Variants in SYCE1 observed in about 807,000 individuals in gnomAD.
SYCE1 encodes synaptonemal complex central element protein 1.
SYCE1 carries 37 observed loss-of-function variants against 55.1 expected under a neutral mutation model. The observed-to-expected ratio is 0.67, with a 90% CI of 0.52 to 0.88. SYCE1 has a LOEUF of 0.88. Among genes scored for constraint, SYCE1 ranks in the 40% least tolerant of loss-of-function variants. The pLI is 0.00. For synonymous variants in SYCE1, 163 were observed against 159.4 expected (o/e 1.02, Z -0.17); for missense variants, 399 against 416.4 (o/e 0.96, Z 0.36).
chr10:133,555,215 G>A (rs1851628244), intron 12 of SYCE1, 86 bp from the exon 13 acceptor site: 19 of 1,540,172 alleles, frequency 1.2e-5, no homozygotes, highest in Non-Finnish European at 1.5e-5. Context: ...CACCTTGGGT[G>A]GACCCAGTAT....
At chr10:133,567,896 C>T (rs777997685), upstream of SYCE1, 36 of 501,316 alleles carry the variant, frequency 7.2e-5, no homozygotes, top group African/African-American at 1.4e-4. Flanking sequence ...GAGGCTGAGG[C>T]GGCGTGGGCA....
intron 1 of SYCE1, among the ~76,000 whole-genome samples, chr10:133,564,753 C>T (rs1044718157): frequency 2.0e-5 from 3 of 152,330 alleles, no homozygotes; most frequent in Middle Eastern, 3.4e-3. Context: ...GCAGGAGGGA[C>T]GTCACCGTAC....
At chr10:133,560,378 G>A (rs1337715828) in intron 1 of SYCE1, 3 of 332,440 alleles carry the variant, frequency 9.0e-6, no homozygotes, top group African/African-American at 2.3e-5. Context: ...GGTGAGGGCA[G>A]GGGTGCACTC....
intron 1 of SYCE1, chr10:133,564,362 T>C: frequency 1.0e-6 from 1 of 983,286 alleles, no homozygotes; most frequent in Non-Finnish European, 1.2e-6. Context: ...GTTGTAGCAG[T>C]TTGAACTAAG....
At chr10:133,568,184 G>A (rs548400424), upstream of SYCE1, 5 of 1,039,588 alleles carry the variant, frequency 4.8e-6, no homozygotes, top group Middle Eastern at 2.0e-4. Flanking sequence ...CGAAGTCCAC[G>A]TACAGTAGCT....
intron 1 of SYCE1, among the ~76,000 whole-genome samples, chr10:133,565,008 C>T (rs1589972663): frequency 6.6e-6 from 1 of 152,084 alleles, no homozygotes; most frequent in African/African-American, 2.4e-5. Context: ...CCTCCCCCGG[C>T]TCCCCGGGGC....
At chr10:133,562,260 AATGTGTGTGT>A (rs1326959191) in intron 1 of SYCE1, among the ~76,000 whole-genome samples, 165 of 121,980 alleles carry the variant, frequency 1.4e-3, no homozygotes, top group African/African-American at 4.9e-3. Context: ...GCTAACATCC[AATGTGTGTGT>A]GTGTGTGTGT....
At chr10:133,565,758 G>A (rs987053127), upstream of SYCE1, among the ~76,000 whole-genome samples, 2 of 152,270 alleles carry the variant, frequency 1.3e-5, no homozygotes, top group African/African-American at 2.4e-5. Context: ...ACGTGCGGCC[G>A]TCCAGGCTTG....
At chr10:133,556,190 A>G in intron 8 of SYCE1, 143 bp from the exon 9 acceptor site, 1 of 892,532 alleles carries the variant, frequency 1.1e-6, no homozygotes, top group Non-Finnish European at 1.7e-6. Context: ...GCTACAGTAC[A>G]GCCTCAGGGC....
At position 133,560,151 on chromosome 10, in the gene SYCE1, G is replaced by A; in HGVS notation, c.76C>T (p.Gln26Ter). ...AVDRAEKAGG[Q>*]DTSSQKIEDL... ...TCAATTTTCTGTGAGGACGTGTCCT[G>A]CCCTGTGGAGACAAAACCAAACATT... is the stretch of plus-strand genomic sequence containing the variant. The change falls in exon 2 of 13, where the codon CAG (glutamine) becomes TAG (stop). Residue 26 changes from glutamine to a stop codon, truncating the protein, a stop_gained and splice_region_variant. Coordinates refer to ENST00000343131, the MANE Select transcript of SYCE1 (RefSeq NM_001143764.3). LOFTEE classifies it high-confidence loss of function. The A allele has an allele frequency of 6.2e-7, 1 of 1,613,860 alleles. No homozygotes were observed. Among genetic ancestry groups the A allele is most frequent in the Non-Finnish European group, 8.5e-7 (1 of 1,179,868 alleles).
Position 133,558,357 on chromosome 10 carries a change from C to T in SYCE1, c.272-143G>A, listed in dbSNP as rs1023748813. The stretch of plus-strand genomic sequence containing the variant: ...CCCTTGAGGTGAGCCCCTCCCTACC[C>T]TCTGGTGCCCACATTCCTTGTAAGC... On this transcript the variant is annotated intron_variant, in intron 4 of 12. Transcript: ENST00000343131. 3.5e-6 allele frequency: 3 copies of T among 857,924 alleles called. No homozygotes were observed. In the African/African-American group the frequency reaches 4.9e-5, roughly 14 times the overall value. The allele number at this position is 857,924 out of a possible 1,614,324, so 53.1% of individuals were successfully genotyped here.
chr10:133,554,680 C>T, downstream of SYCE1: 1 of 755,408 alleles, frequency 1.3e-6, no homozygotes, highest in Non-Finnish European at 2.3e-6. Context: ...GTAGTCCAGA[C>T]CTGTAATGAA....
At chr10:133,556,232 T>TCTGTCATCCCACATCTCTGCGGTACTG in intron 8 of SYCE1, 185 bp from the exon 9 acceptor site, 1 of 641,196 alleles carries the variant, frequency 1.6e-6, no homozygotes, top group Admixed American at 2.9e-5. Context: ...CCTGTGCACT[T>TCTGTCATCCCACATCTCTGCGGTACTG]CTGTCATCCC....
At chr10:133,565,711 C>T, upstream of SYCE1, 1 of 583,880 alleles carries the variant, frequency 1.7e-6, no homozygotes, top group African/African-American at 1.9e-5. Context: ...CGTAAAGGCG[C>T]GAGGGCTACA....
rs868080674 is a variant in SYCE1, at chr10:133,556,812, C to T, written c.475G>A (p.Glu159Lys). 3.8e-6 allele frequency: 6 copies of T among 1,584,084 alleles called. No homozygotes were observed. Among genetic ancestry groups the T allele is most frequent in the Non-Finnish European group, 1.7e-6 (2 of 1,165,040 alleles). ...CCCATCAGATCTTCCAGCTGTTCCT[C>T]GAATGCCAACCTGGGAACCAACCAC... ...NKQRQLRLAF[E>K]EQLEDLMGQH... Residue 159 changes from glutamate (E) to lysine (K), a missense_variant, in exon 8 of 13, where the codon GAG (glutamate) becomes AAG (lysine). Coordinates refer to ENST00000343131, the MANE Select transcript of SYCE1 (RefSeq NM_001143764.3).
intron 1 of SYCE1, 112 bp downstream of exon 1, chr10:133,565,345 A>T (rs1418614684): frequency 2.0e-6 from 2 of 985,282 alleles, no homozygotes; most frequent in Non-Finnish European, 2.8e-6. Flanking sequence ...GCTAAGTCTC[A>T]ATCAGCAGCA....
chr10:133,557,020 C>T (rs758818330), intron 7 of SYCE1, 47 bp downstream of exon 7: 1 of 1,576,702 alleles, frequency 6.3e-7, no homozygotes, highest in African/African-American at 1.3e-5. Context: ...ACATTATATC[C>T]CAACTACTGG....
upstream of SYCE1, among the ~76,000 whole-genome samples, chr10:133,567,126 G>A (rs1481768929): frequency 2.6e-5 from 4 of 151,330 alleles, no homozygotes; most frequent in African/African-American, 9.7e-5. Flanking sequence ...TTGAGGTTAT[G>A]AGTTGAGGTT....
At chr10:133,563,553 G>A (rs1851861651) in intron 1 of SYCE1, among the ~76,000 whole-genome samples, 1 of 152,006 alleles carries the variant, frequency 6.6e-6, no homozygotes. Context: ...ATCTGGGCAT[G>A]GTGACATGTA....
Sources: allele counts gnomAD v4.1 joint callset (sites outside exome capture counted in the v4.1 genomes callset), GRCh38; gene constraint gnomAD v4.1.1; transcripts MANE v1.5; gene names NCBI Gene and HGNC (gene_info 2026-07-23, HGNC 2026-07-21).